Variants in KATNIP observed in about 807,000 individuals in gnomAD.
The protein encoded by KATNIP is katanin-interacting protein.
In KATNIP, 126 loss-of-function variants were observed where a neutral mutation model predicts 174.0. The ratio of observed to expected loss-of-function variants is 0.72; its 90% CI spans 0.63 to 0.84. The LOEUF (loss-of-function observed/expected upper bound fraction) is 0.84, where lower values mean the gene tolerates loss of function less well. Ranked by LOEUF, KATNIP falls within the 40% of genes least tolerant of loss-of-function variation. The pLI, the probability that KATNIP is intolerant of heterozygous loss-of-function variation, is 0.00. For missense variants in KATNIP, 1,958 were observed against 2,109.7 expected, an observed-to-expected ratio of 0.93 and a Z score of 1.41; for synonymous variants, 810 against 835.7, an observed-to-expected ratio of 0.97 and a Z score of 0.53.
At chr16:27,608,653 G>A (rs534330901) in intron 2 of KATNIP, among the ~76,000 whole-genome samples, 1 of 152,052 alleles carries the variant, frequency 6.6e-6, no homozygotes, top group Admixed American at 6.6e-5. Context: ...AAGTAGCTGG[G>A]ACTACAGCCT....
At chr16:27,742,249 C>T (rs1478337512) in intron 15 of KATNIP, among the ~76,000 whole-genome samples, 1 of 152,160 alleles carries the variant, frequency 6.6e-6, no homozygotes, top group South Asian at 2.1e-4. Context: ...CAGCCGCTTA[C>T]AGACCTGGGA....
At chr16:27,769,668 C>T (rs1041276732) in intron 20 of KATNIP, among the ~76,000 whole-genome samples, 193 bp from the exon 21 acceptor site, 2 of 152,214 alleles carry the variant, frequency 1.3e-5, no homozygotes, top group East Asian at 1.9e-4. Flanking sequence ...GCAGGGGGCT[C>T]GCCTGTCTTG....
chr16:27,763,181 G>C (rs1365508586), intron 19 of KATNIP, among the ~76,000 whole-genome samples: 5 of 151,686 alleles, frequency 3.3e-5, no homozygotes, highest in Non-Finnish European at 4.4e-5. Flanking sequence ...CAGGCACTGT[G>C]GCACATGTCT....
chr16:27,645,738 C>G (rs2076939768), intron 5 of KATNIP, among the ~76,000 whole-genome samples: 1 of 152,182 alleles, frequency 6.6e-6, no homozygotes, highest in Non-Finnish European at 1.5e-5. Flanking sequence ...CATCCACATT[C>G]CGGTCAGGAA....
At chr16:27,704,127 C>T (rs1027488351) in intron 12 of KATNIP, 129 bp downstream of exon 12, 11 of 696,004 alleles carry the variant, frequency 1.6e-5, no homozygotes, top group Non-Finnish European at 2.5e-5. Flanking sequence ...CCACCGCCCC[C>T]CCCCTCCCTG....
At position 27,741,657 on chromosome 16, in the gene KATNIP, C is replaced by T. The variant is rs189215292; in HGVS notation, c.2623+737C>T. On this transcript the variant is annotated intron_variant, in intron 15 of 27. Transcript: ENST00000261588. ...ATGGCTCACACCTGTAATCCCAGCA[C>T]TTTGGGAGGCCGAGGCGGGCAGATA... Among the ~76,000 whole-genome samples, 58 of 152,276 alleles carry T rather than the reference C, an allele frequency of 3.8e-4. 1 individual carries two copies. Among genetic ancestry groups the T allele is most frequent in the Admixed American group, 2.7e-3 (42 of 15,294 alleles).
chr16:27,567,669 A>G (rs1596738943), intron 1 of KATNIP, among the ~76,000 whole-genome samples: 1 of 152,306 alleles, frequency 6.6e-6, no homozygotes, highest in Non-Finnish European at 1.5e-5. Context: ...CATTACAGGC[A>G]CCTGCCACCA....
intron 8 of KATNIP, among the ~76,000 whole-genome samples, chr16:27,686,552 G>A (rs1326473612): frequency 6.6e-6 from 1 of 152,030 alleles, no homozygotes; most frequent in South Asian, 2.1e-4. Flanking sequence ...GCGTTTTAAT[G>A]GGAGCATTCA....
At chr16:27,615,272 G>A (rs1254000302) in intron 2 of KATNIP, among the ~76,000 whole-genome samples, 1 of 149,450 alleles carries the variant, frequency 6.7e-6, no homozygotes, top group Non-Finnish European at 1.5e-5. Context: ...GGGAATACAG[G>A]CATGCACCAC....
At chr16:27,617,599 C>G (rs2076078393) in intron 2 of KATNIP, among the ~76,000 whole-genome samples, 1 of 152,172 alleles carries the variant, frequency 6.6e-6, no homozygotes. Context: ...AACCCAGGGC[C>G]CCTTTGGCAG....
intron 1 of KATNIP, among the ~76,000 whole-genome samples, chr16:27,565,858 G>A (rs2090070410): frequency 6.6e-6 from 1 of 151,430 alleles, no homozygotes; most frequent in Non-Finnish European, 1.5e-5. Flanking sequence ...GCCTAGTTAT[G>A]TACTGAGTTG....
chr16:27,698,259 T>G (rs1567313320), intron 8 of KATNIP, 69 bp from the exon 9 acceptor site: 3 of 1,435,648 alleles, frequency 2.1e-6, no homozygotes, highest in East Asian at 2.4e-5. Flanking sequence ...TCAATTGGGG[T>G]CTAATGGGTT....
intron 5 of KATNIP, among the ~76,000 whole-genome samples, chr16:27,632,165 C>A (rs1458195840): frequency 1.3e-5 from 2 of 152,156 alleles, no homozygotes; most frequent in Non-Finnish European, 2.9e-5. Flanking sequence ...CATACCTTAC[C>A]GGGGACCAGC....
At chr16:27,765,203 G>A (rs1370069993) in intron 19 of KATNIP, among the ~76,000 whole-genome samples, 1 of 152,132 alleles carries the variant, frequency 6.6e-6, no homozygotes, top group Non-Finnish European at 1.5e-5. Context: ...CCAGGCTTCT[G>A]AATGGCAGTG....
intron 5 of KATNIP, among the ~76,000 whole-genome samples, chr16:27,639,355 C>T (rs76011962): frequency 0.022 from 3,335 of 152,264 alleles, 140 homozygotes; most frequent in African/African-American, 0.076. Flanking sequence ...CTGTCCTTTT[C>T]CCCCCACCAC....
Position 27,637,515 on chromosome 16 carries a change from C to T in KATNIP, c.408+6353C>T, listed in dbSNP as rs780301815. ...AGCTGTCGGGGGAGCGCTCCTTCAGCGAAGGTGGGCAGCACAGCCTCCCAA... is the reference window on the plus strand; with the variant it reads ...AGCTGTCGGGGGAGCGCTCCTTCAGTGAAGGTGGGCAGCACAGCCTCCCAA... On this transcript the variant is annotated intron_variant, in intron 5 of 27. Transcript: ENST00000261588. The surrounding 1 kb of genome is among the most constrained non-coding windows in gnomAD (Gnocchi z 4.7). Among the ~76,000 whole-genome samples the T allele has an allele frequency of 2.6e-5, 4 of 152,102 alleles. No homozygotes were observed. Among genetic ancestry groups the T allele is most frequent in the Middle Eastern group, 3.2e-3 (1 of 316 alleles).
At chr16:27,616,697 A>G (rs1596943674) in intron 2 of KATNIP, among the ~76,000 whole-genome samples, 1 of 152,072 alleles carries the variant, frequency 6.6e-6, no homozygotes, top group East Asian at 1.9e-4. Flanking sequence ...ACTGCACTCC[A>G]GCCTGGGTGA....
At chr16:27,590,983 G>A (rs962189799) in intron 2 of KATNIP, among the ~76,000 whole-genome samples, 5 of 152,132 alleles carry the variant, frequency 3.3e-5, no homozygotes, top group African/African-American at 1.2e-4. Context: ...TGTGGACTCG[G>A]GTAGGAGAGG....
rs537107668 is a variant in KATNIP at position 27,683,234 on chromosome 16, C to T, written c.940+1704C>T. ...ACCCCTGTCCTAAGTCTCTGATCTG[C>T]ATCCTGCTTCAGCCTGTAGTGACCA... On this transcript the variant is annotated intron_variant, in intron 8 of 27. Transcript: ENST00000261588. Among the ~76,000 whole-genome samples, 103 of 152,326 alleles carry T rather than the reference C, an allele frequency of 6.8e-4. 1 individual carries two copies. The highest frequency in any genetic ancestry group is 4.8e-3 in the Admixed American group (73 of 15,308).
Sources: gnomAD v4.1 joint callset for allele counts (sites outside exome capture counted in the v4.1 genomes callset) on GRCh38, gnomAD v4.1.1 for gene constraint, Gnocchi (gnomAD v3.1) non-coding constraint, MANE v1.5 for transcripts, NCBI Gene and HGNC (gene_info 2026-07-23, HGNC 2026-07-21) for gene names.